PLA2R1: variants seen among roughly 807,000 people sequenced by gnomAD.
The protein encoded by PLA2R1 is secretory phospholipase A2 receptor.
A neutral mutation model predicts 195.9 loss-of-function variants in PLA2R1; 158 were observed. The observed-to-expected ratio is 0.81, with a 90% CI of 0.71 to 0.92. PLA2R1 has a LOEUF of 0.92. Ranked by LOEUF, PLA2R1 falls within the 40% of genes least tolerant of loss-of-function variation. The pLI is 0.00. For synonymous variants in PLA2R1, 586 were observed against 598.2 expected, an observed-to-expected ratio of 0.98 and a Z score of 0.30; for missense variants, 1,626 against 1,764.6, an observed-to-expected ratio of 0.92 and a Z score of 1.41.
At chr2:160,058,639 G>C (rs1877196) in intron 1 of PLA2R1, among the ~76,000 whole-genome samples, 25,156 of 151,852 alleles carry the variant, frequency 0.17, 2,831 homozygotes, top group African/African-American at 0.31. Flanking sequence ...CTTTCTCCCC[G>C]CTGTCCACTT....
At chr2:160,039,886 TG>T (rs1694413910) in intron 3 of PLA2R1, among the ~76,000 whole-genome samples, 1 of 151,060 alleles carries the variant, frequency 6.6e-6, no homozygotes, top group African/African-American at 2.4e-5. Flanking sequence ...ACTGGGAAAC[TG>T]TCATTGGAAG....
chr2:159,945,641 TA>T (rs1393502437), intron 27 of PLA2R1, among the ~76,000 whole-genome samples: 1 of 152,212 alleles, frequency 6.6e-6, no homozygotes, highest in Non-Finnish European at 1.5e-5. Flanking sequence ...CTATTGTGAA[TA>T]GTGCCGCAAT....
chr2:159,993,481 C>G (rs1285893604), intron 11 of PLA2R1, among the ~76,000 whole-genome samples: 2 of 151,072 alleles, frequency 1.3e-5, no homozygotes, highest in Admixed American at 6.6e-5. Flanking sequence ...CACACACTTC[C>G]TAGATCTGTC....
chr2:159,969,503 A>G, intron 18 of PLA2R1, 144 bp from the exon 19 acceptor site: 1 of 490,026 alleles, frequency 2.0e-6, no homozygotes, highest in East Asian at 3.3e-5. Context: ...CATAGTACCT[A>G]TAGTTAACAA....
Position 159,935,710 on chromosome 2 carries a change from A to G in PLA2R1, c.*6068T>C, listed in dbSNP as rs1254746051. The G allele has an allele frequency of 6.6e-6, 1 of 152,090 alleles. No homozygotes were observed. The highest frequency in any genetic ancestry group is 1.9e-4 in the East Asian group (1 of 5,194). The allele number at this position is 152,090 out of a possible 1,614,324, so 9.4% of individuals were successfully genotyped here. A position where few individuals can be genotyped will look rare whatever the true frequency, so the allele number is the denominator to read the frequency against. ...TAGACCTGCAATCAACCACTTTCTC[A>G]AGAAGCCTAAGTTCCTTTGACTGGA... is the stretch of plus-strand genomic sequence containing the variant. On this transcript the variant is annotated 3_prime_UTR_variant, in exon 30 of 30. Transcript: ENST00000283243.
chr2:159,946,779 C>G (rs1052531648), intron 27 of PLA2R1, 22 bp downstream of exon 27: 17 of 1,585,108 alleles, frequency 1.1e-5, no homozygotes, highest in Non-Finnish European at 1.3e-5. Context: ...TTTATGTCCT[C>G]TCCTCTACCC....
chr2:160,015,622 CT>C (rs1269520568), intron 9 of PLA2R1, among the ~76,000 whole-genome samples: 1 of 152,186 alleles, frequency 6.6e-6, no homozygotes, highest in Non-Finnish European at 1.5e-5. Flanking sequence ...ACCCTCGCCC[CT>C]GCCCCGTCTT....
intron 10 of PLA2R1, among the ~76,000 whole-genome samples, chr2:160,007,563 G>A (rs868064381): frequency 6.6e-6 from 1 of 152,244 alleles, no homozygotes; most frequent in South Asian, 2.1e-4. Context: ...CCGTCGACAG[G>A]AAGAACGATG....
At chr2:160,006,546 G>A (rs756452316) in intron 10 of PLA2R1, among the ~76,000 whole-genome samples, 5 of 152,066 alleles carry the variant, frequency 3.3e-5, no homozygotes, top group Non-Finnish European at 7.3e-5. Flanking sequence ...TGCATCAAAA[G>A]CAGAATATAG....
chr2:159,956,965 A>G (rs1264964109), intron 20 of PLA2R1, among the ~76,000 whole-genome samples: 1 of 146,936 alleles, frequency 6.8e-6, no homozygotes, highest in Non-Finnish European at 1.5e-5. Flanking sequence ...ACATGGGCAC[A>G]TTTAATCTAA....
In PLA2R1 at chr2:160,016,617, T is replaced by C. The variant is rs1325586458; in HGVS notation, c.1548A>G (p.Gln516=). 1.9e-6 allele frequency: 3 copies of C among 1,550,306 alleles called. No individual in the cohort carries two copies. Among genetic ancestry groups the C allele is most frequent in the South Asian group, 2.2e-5 (2 of 89,632 alleles). ...HVLSDAESGC[Q]EGWERHGGFC... ...TTGCAATGTTAACAGCACTTACCTC[T>C]TGACATCCTGATTCAGCATCAGAGA... The change falls in exon 9 of 30, where the codon CAA becomes CAG. Residue 516 remains glutamine, a synonymous_variant. Coordinates refer to ENST00000283243, the MANE Select transcript of PLA2R1 (RefSeq NM_007366.5).
At chr2:160,000,467 T>C (rs946558064) in intron 11 of PLA2R1, among the ~76,000 whole-genome samples, 3 of 152,190 alleles carry the variant, frequency 2.0e-5, no homozygotes, top group Non-Finnish European at 4.4e-5. Context: ...AAACAAATGC[T>C]AATTTTCACT....
At chr2:160,041,229 G>A (rs1694499659) in intron 3 of PLA2R1, among the ~76,000 whole-genome samples, 1 of 152,114 alleles carries the variant, frequency 6.6e-6, no homozygotes, top group Non-Finnish European at 1.5e-5. Context: ...ATATGTGGAG[G>A]GGAGGCAGGC....
At chr2:160,013,675 TTCTCTCTCTC>T (rs1194944207) in intron 9 of PLA2R1, among the ~76,000 whole-genome samples, 8 of 65,660 alleles carry the variant, frequency 1.2e-4, no homozygotes, top group Admixed American at 2.9e-4. Context: ...ACCTCTCTCT[TTCTCTCTCTC>T]TCTCTCTCTC....
At position 159,937,331 on chromosome 2, in the gene PLA2R1, T is replaced by C. The variant is rs1377886315; in HGVS notation, c.*4447A>G. ...ATTATAGTTCAGTCAATACTATTTT[T>C]CTATTAAAATGCCTTTACCCTATTA... is the stretch of plus-strand genomic sequence containing the variant. On this transcript the variant is annotated 3_prime_UTR_variant, in exon 30 of 30. Coordinates refer to ENST00000283243, the MANE Select transcript of PLA2R1 (RefSeq NM_007366.5). 1.3e-5 allele frequency: 2 copies of C among 152,216 alleles called. No homozygotes were observed. Among genetic ancestry groups the C allele is most frequent in the Non-Finnish European group, 2.9e-5 (2 of 68,038 alleles). The allele number at this position is 152,216 out of a possible 1,614,324, so 9.4% of individuals were successfully genotyped here.
intron 20 of PLA2R1, among the ~76,000 whole-genome samples, chr2:159,965,207 A>G (rs1156910807): frequency 6.6e-6 from 1 of 152,222 alleles, no homozygotes; most frequent in African/African-American, 2.4e-5. Context: ...TGTGTTGTAC[A>G]TTCTATGAGT....
intron 11 of PLA2R1, among the ~76,000 whole-genome samples, chr2:160,003,594 C>CT (rs764628267): frequency 1.3e-5 from 2 of 152,136 alleles, no homozygotes; most frequent in South Asian, 2.1e-4. Flanking sequence ...AATAGTAAAA[C>CT]TTTTTTTATT....
chr2:159,924,779 G>A, the PLA2R1 span, among the ~76,000 whole-genome samples: 2 of 151,916 alleles, frequency 1.3e-5, no homozygotes, highest in African/African-American at 2.4e-5. Flanking sequence ...ATAAAAACAC[G>A]AGAAGTGGAT....
chr2:160,001,709 A>G (rs1691607119), intron 11 of PLA2R1, among the ~76,000 whole-genome samples: 1 of 151,964 alleles, frequency 6.6e-6, no homozygotes. Flanking sequence ...TTGAAAGAAC[A>G]AGAGGATCAC....
Sources: gnomAD v4.1 joint callset for allele counts (sites outside exome capture counted in the v4.1 genomes callset) on GRCh38, gnomAD v4.1.1 for gene constraint, MANE v1.5 for transcripts, NCBI Gene and HGNC (gene_info 2026-07-23, HGNC 2026-07-21) for gene names.